MDGA2: variants seen among roughly 807,000 people sequenced by gnomAD.
MDGA2 encodes the protein MAM domain containing glycosylphosphatidylinositol anchor 2.
Under a neutral mutation model 117.8 loss-of-function variants are expected in MDGA2, and 40 were observed. The ratio of observed to expected loss-of-function variants is 0.34; its 90% CI spans 0.26 to 0.44. MDGA2 has a LOEUF of 0.44. MDGA2 is among the 20% of genes least tolerant of loss of function. The probability of loss-of-function intolerance (pLI) is 1.00; values close to 1 mark genes in which losing one functional copy is unlikely to be tolerated. For missense variants in MDGA2, 1,123 were observed against 1,250.6 expected (o/e 0.90, Z 1.54); for synonymous variants, 452 against 439.0 (o/e 1.03, Z -0.37).
intron 1 of MDGA2, among the ~76,000 whole-genome samples, chr14:47,441,060 A>G (rs1349926062): frequency 2.6e-5 from 4 of 152,170 alleles, no homozygotes; most frequent in Admixed American, 6.6e-5. Flanking sequence ...AAGGAAATAC[A>G]TGCCACAAAT....
intron 9 of MDGA2, among the ~76,000 whole-genome samples, chr14:46,947,270 C>G (rs1885203899): frequency 1.3e-5 from 2 of 152,052 alleles, no homozygotes; most frequent in South Asian, 4.1e-4. Flanking sequence ...CTCTGCATGT[C>G]AAGTTGCACA....
At chr14:47,378,769 T>C (rs1253695077) in intron 1 of MDGA2, among the ~76,000 whole-genome samples, 1 of 152,108 alleles carries the variant, frequency 6.6e-6, no homozygotes, top group Non-Finnish European at 1.5e-5. Context: ...GCAAAGAGAA[T>C]GGAACCAAGT....
intron 1 of MDGA2, among the ~76,000 whole-genome samples, chr14:47,588,253 TATATATATAC>T (rs1237195936): frequency 3.2e-5 from 3 of 94,298 alleles, no homozygotes; most frequent in African/African-American, 1.0e-4. Context: ...TATATATATA[TATATATATAC>T]ACACACACAC....
intron 8 of MDGA2, among the ~76,000 whole-genome samples, chr14:47,013,483 C>A (rs1267738239): frequency 6.6e-6 from 1 of 151,906 alleles, no homozygotes; most frequent in East Asian, 2.0e-4. Flanking sequence ...AATCTTGAAT[C>A]CCTCCTCCAT....
chr14:47,238,203 A>G (rs1309394161), intron 2 of MDGA2, among the ~76,000 whole-genome samples: 1 of 152,162 alleles, frequency 6.6e-6, no homozygotes, highest in East Asian at 1.9e-4. Context: ...ATTATTCCCA[A>G]TCACCACATC....
At chr14:47,585,313 C>T (rs965809110) in intron 1 of MDGA2, among the ~76,000 whole-genome samples, 1 of 151,850 alleles carries the variant, frequency 6.6e-6, no homozygotes, top group African/African-American at 2.4e-5. Flanking sequence ...AGCATTAGCA[C>T]CACTCAGCTT....
At chr14:47,361,142 G>A (rs934036242) in intron 1 of MDGA2, among the ~76,000 whole-genome samples, 7 of 151,034 alleles carry the variant, frequency 4.6e-5, no homozygotes, top group African/African-American at 1.5e-4. Flanking sequence ...CTTGCCAGTA[G>A]TAATCATTTC....
At chr14:47,051,354 T>G (rs1889451782) in intron 7 of MDGA2, among the ~76,000 whole-genome samples, 2 of 151,942 alleles carry the variant, frequency 1.3e-5, no homozygotes, top group Non-Finnish European at 2.9e-5. Flanking sequence ...CCCAGTAATC[T>G]TTTATTTTCT....
chr14:47,148,530 C>T (rs1194595307), intron 3 of MDGA2, among the ~76,000 whole-genome samples: 1 of 152,086 alleles, frequency 6.6e-6, no homozygotes, highest in Non-Finnish European at 1.5e-5. Context: ...GTACGTATGA[C>T]CAGATAATCC....
intron 2 of MDGA2, among the ~76,000 whole-genome samples, chr14:47,262,240 C>T (rs927689164): frequency 1.8e-4 from 28 of 152,224 alleles, no homozygotes; most frequent in African/African-American, 6.3e-4. Context: ...TATGTGTATT[C>T]ATTCATCTAT....
intron 1 of MDGA2, among the ~76,000 whole-genome samples, chr14:47,528,389 T>C (rs908334925): frequency 1.3e-5 from 2 of 152,228 alleles, no homozygotes; most frequent in African/African-American, 4.8e-5. Flanking sequence ...CAGCTCATGA[T>C]ATATTATCTC....
intron 1 of MDGA2, among the ~76,000 whole-genome samples, chr14:47,373,166 A>G (rs1891402953): frequency 6.6e-6 from 1 of 152,072 alleles, no homozygotes; most frequent in Non-Finnish European, 1.5e-5. Context: ...AGAGTTTTGA[A>G]AAGAAGAAGG....
At chr14:47,501,273 C>T (rs1019741702) in intron 1 of MDGA2, among the ~76,000 whole-genome samples, 11 of 152,082 alleles carry the variant, frequency 7.2e-5, no homozygotes, top group African/African-American at 2.4e-4. Flanking sequence ...TTCTTGACAA[C>T]TGAAGGGCAT....
intron 1 of MDGA2, among the ~76,000 whole-genome samples, chr14:47,527,217 T>G (rs1894990783): frequency 6.6e-6 from 1 of 152,190 alleles, no homozygotes; most frequent in South Asian, 2.1e-4. Flanking sequence ...ATAATTTTGT[T>G]TTTTACTTCT....
chr14:47,273,797 C>T (rs1002973056), intron 2 of MDGA2, among the ~76,000 whole-genome samples: 3 of 151,928 alleles, frequency 2.0e-5, no homozygotes, highest in Non-Finnish European at 4.4e-5. Context: ...TTGTATGCTC[C>T]CTATGCATGA....
chr14:47,597,087 G>C lies in MDGA2; in HGVS notation c.280+77430C>G, dbSNP rs531877396. On this transcript the variant is annotated intron_variant, in intron 1 of 16. Coordinates refer to ENST00000399232, the MANE Select transcript of MDGA2 (RefSeq NM_001113498.3). ...ACCTTCTTACTATATAGATGACTGA[G>C]AGTTTCTGTGATAGAGGGGTATGTT... Among the ~76,000 whole-genome samples the C allele has an allele frequency of 7.2e-5, 11 of 152,206 alleles. No individual in the cohort carries two copies. The South Asian group carries it at 2.1e-3, about 29-fold the overall frequency.
intron 2 of MDGA2, among the ~76,000 whole-genome samples, chr14:47,263,240 CTT>C (rs1887857275): frequency 6.6e-6 from 1 of 152,048 alleles, no homozygotes; most frequent in South Asian, 2.1e-4. Flanking sequence ...GTCTCACAAT[CTT>C]AAGAACGTGG....
intron 10 of MDGA2, among the ~76,000 whole-genome samples, chr14:46,916,589 G>C (rs73235291): frequency 0.037 from 5,675 of 151,936 alleles, 352 homozygotes; most frequent in African/African-American, 0.13. Context: ...TGCTTGCTGG[G>C]GCCATTTTGC....
intron 1 of MDGA2, among the ~76,000 whole-genome samples, chr14:47,504,334 A>C (rs892560514): frequency 2.0e-5 from 3 of 152,182 alleles, no homozygotes; most frequent in Admixed American, 6.5e-5. Context: ...ATGGACTAGG[A>C]ACCTGCTATA....
Sources: gnomAD v4.1 joint callset for allele counts (sites outside exome capture counted in the v4.1 genomes callset) on GRCh38, gnomAD v4.1.1 for gene constraint, MANE v1.5 for transcripts, NCBI Gene and HGNC (gene_info 2026-07-23, HGNC 2026-07-21) for gene names.